HMBOX1: variants seen among roughly 807,000 people sequenced by gnomAD.
HMBOX1 encodes homeobox containing 1.
Under a neutral mutation model 54.5 loss-of-function variants are expected in HMBOX1, and 14 were observed. The observed-to-expected ratio is 0.26, with a 90% confidence interval of 0.17 to 0.40. The LOEUF (loss-of-function observed/expected upper bound fraction) is 0.40. Ranked by LOEUF, HMBOX1 falls within the 10% of genes least tolerant of loss-of-function variation. The pLI is 1.00. For missense variants in HMBOX1, 332 were observed against 514.4 expected (o/e 0.65, Z 3.43); for synonymous variants, 160 against 181.0 (o/e 0.88, Z 0.93).
chr8:28,954,736 G>C (rs1382166213), intron 1 of HMBOX1, among the ~76,000 whole-genome samples: 1 of 152,124 alleles, frequency 6.6e-6, no homozygotes, highest in South Asian at 2.1e-4. Context: ...TTACCCTAAT[G>C]ATGTACTTAC....
At chr8:28,946,141 T>G (rs1465531837) in intron 1 of HMBOX1, among the ~76,000 whole-genome samples, 1 of 151,784 alleles carries the variant, frequency 6.6e-6, no homozygotes, top group Middle Eastern at 3.4e-3. Flanking sequence ...TTAGTAGAGA[T>G]GGGGTTTCAC....
chr8:28,903,580 G>A (rs966478026), intron 1 of HMBOX1, among the ~76,000 whole-genome samples: 2 of 152,162 alleles, frequency 1.3e-5, no homozygotes, highest in African/African-American at 4.8e-5. Flanking sequence ...CTCAGCAAAA[G>A]ATATGGATGA....
Position 28,924,050 on chromosome 8 carries a change from C to T in HMBOX1, c.-58+33372C>T, listed in dbSNP as rs115279970. ...ATACATGATTTGCAAATATATTTTC[C>T]GATTATGTAGGTTATTTTTTGTCTC... On this transcript the variant is annotated intron_variant, in intron 1 of 9. Coordinates refer to ENST00000287701, the MANE Select transcript of HMBOX1 (RefSeq NM_001135726.3). Among the ~76,000 whole-genome samples, 1,006 of 150,124 alleles carry T rather than the reference C, an allele frequency of 6.7e-3. 14 individuals are homozygous for T. The highest frequency in any genetic ancestry group is 0.023 in the African/African-American group (945 of 40,998).
At chr8:28,897,229 C>T (rs374674203) in intron 1 of HMBOX1, among the ~76,000 whole-genome samples, 2 of 151,738 alleles carry the variant, frequency 1.3e-5, no homozygotes, top group Admixed American at 6.6e-5. Flanking sequence ...GTGATCCACC[C>T]GCCTTGGCCT....
chr8:28,953,385 T>C (rs879453807), intron 1 of HMBOX1, among the ~76,000 whole-genome samples: 3 of 148,118 alleles, frequency 2.0e-5, no homozygotes, highest in Non-Finnish European at 4.5e-5. Flanking sequence ...ACCTTCTGAT[T>C]AACTTCCTAA....
chr8:28,925,116 A>T (rs1197455977), intron 1 of HMBOX1, among the ~76,000 whole-genome samples: 1 of 152,030 alleles, frequency 6.6e-6, no homozygotes, highest in Non-Finnish European at 1.5e-5. Context: ...TAAATTTTTA[A>T]TTAAAAAATT....
chr8:28,921,368 C>T (rs148360516), intron 1 of HMBOX1, among the ~76,000 whole-genome samples: 13 of 152,240 alleles, frequency 8.5e-5, no homozygotes, highest in Admixed American at 5.2e-4. Context: ...TTTCCATAGA[C>T]GTTTGACCAT....
At chr8:28,972,379 A>AT (rs561967516) in intron 3 of HMBOX1, among the ~76,000 whole-genome samples, 12 of 150,516 alleles carry the variant, frequency 8.0e-5, no homozygotes, top group African/African-American at 1.5e-4. Flanking sequence ...TGCCCAGCTA[A>AT]TTTTTTTTTT....
At chr8:28,943,822 C>T (rs1272646768) in intron 1 of HMBOX1, among the ~76,000 whole-genome samples, 2 of 152,170 alleles carry the variant, frequency 1.3e-5, no homozygotes, top group Non-Finnish European at 1.5e-5. Context: ...TGTCCTGTAT[C>T]AAGGGATTAC....
At chr8:28,926,178 T>C (rs563284259) in intron 1 of HMBOX1, among the ~76,000 whole-genome samples, 104 of 152,152 alleles carry the variant, frequency 6.8e-4, no homozygotes, top group African/African-American at 2.5e-3. Flanking sequence ...GGCGTATGCC[T>C]GTAGTCCCAG....
chr8:28,921,114 C>A (rs1817485432), intron 1 of HMBOX1, among the ~76,000 whole-genome samples: 1 of 152,162 alleles, frequency 6.6e-6, no homozygotes, highest in Non-Finnish European at 1.5e-5. Context: ...GCGGGTGGAT[C>A]ATTTGAGATC....
chr8:28,982,134 G>T (rs1342067645), intron 4 of HMBOX1, among the ~76,000 whole-genome samples: 2 of 152,196 alleles, frequency 1.3e-5, no homozygotes, highest in African/African-American at 2.4e-5. Flanking sequence ...TCGGGAGGCT[G>T]AGGTGGGAGA....
At chr8:28,930,928 C>G (rs934953846) in intron 1 of HMBOX1, among the ~76,000 whole-genome samples, 1 of 152,112 alleles carries the variant, frequency 6.6e-6, no homozygotes, top group African/African-American at 2.4e-5. Context: ...GAACATGTCA[C>G]CTAGCACCTA....
At chr8:28,916,666 A>C (rs1816616660) in intron 1 of HMBOX1, among the ~76,000 whole-genome samples, 1 of 152,046 alleles carries the variant, frequency 6.6e-6, no homozygotes, top group Non-Finnish European at 1.5e-5. Context: ...TATTCTATTG[A>C]TCTATCTGTC....
intron 4 of HMBOX1, among the ~76,000 whole-genome samples, chr8:28,997,659 A>G (rs1832068141): frequency 6.6e-6 from 1 of 151,992 alleles, no homozygotes; most frequent in African/African-American, 2.4e-5. Context: ...TGATCCTTCC[A>G]CCTCAGCCTC....
At chr8:28,900,291 T>TATATATATATATATA (rs1554519282) in intron 1 of HMBOX1, among the ~76,000 whole-genome samples, 5 of 143,678 alleles carry the variant, frequency 3.5e-5, no homozygotes, top group African/African-American at 5.0e-5. Context: ...TATATATATA[T>TATATATATATATATA]TTTGTTTCCT....
intron 7 of HMBOX1, chr8:29,046,282 G>C (rs1190571607): frequency 6.6e-6 from 1 of 152,198 alleles, no homozygotes; most frequent in East Asian, 1.9e-4. Context: ...CATGCCAAAA[G>C]TCCCAGCCCT....
At chr8:28,916,470 TG>T (rs919096203) in intron 1 of HMBOX1, among the ~76,000 whole-genome samples, 1 of 152,232 alleles carries the variant, frequency 6.6e-6, no homozygotes, top group African/African-American at 2.4e-5. Flanking sequence ...TGACCCATTT[TG>T]AGTTAATGCG....
chr8:29,031,944 G>A (rs1489585737), intron 6 of HMBOX1, among the ~76,000 whole-genome samples: 1 of 152,188 alleles, frequency 6.6e-6, no homozygotes, highest in Non-Finnish European at 1.5e-5. Flanking sequence ...AATGAGGTGA[G>A]AAGAGGAAGA....
Sources: gnomAD v4.1 joint callset for allele counts (sites outside exome capture counted in the v4.1 genomes callset) on GRCh38, gnomAD v4.1.1 for gene constraint, MANE v1.5 for transcripts, NCBI Gene and HGNC (gene_info 2026-07-23, HGNC 2026-07-21) for gene names.